Variants in MGAT5 observed in about 807,000 individuals in gnomAD.
The protein encoded by MGAT5 is alpha-1,6-mannosylglycoprotein 6-beta-N-acetylglucosaminyltransferase.
In MGAT5, 30 loss-of-function variants were observed where a neutral mutation model predicts 94.3. The ratio of observed to expected loss-of-function variants is 0.32; its 90% CI spans 0.24 to 0.43. MGAT5 has a LOEUF of 0.43. MGAT5 is among the 20% of genes least tolerant of loss of function. MGAT5 has a pLI of 1.00. For missense variants in MGAT5, 691 were observed against 905.5 expected, an observed-to-expected ratio of 0.76 and a Z score of 3.04; for synonymous variants, 310 against 322.9, an observed-to-expected ratio of 0.96 and a Z score of 0.43.
intron 4 of MGAT5, among the ~76,000 whole-genome samples, chr2:134,334,076 C>A (rs1202253657): frequency 6.6e-6 from 1 of 152,094 alleles, no homozygotes. Flanking sequence ...AGCAAAATTT[C>A]TTGCTAAAAG....
chr2:134,129,142 C>T (rs767735785), intron 1 of MGAT5, among the ~76,000 whole-genome samples: 13 of 152,180 alleles, frequency 8.5e-5, no homozygotes, highest in South Asian at 2.1e-4. Flanking sequence ...GTGTCTATTC[C>T]TTTCTGGAGG....
At chr2:134,329,382 T>C (rs189791465) in intron 4 of MGAT5, among the ~76,000 whole-genome samples, 95 of 152,230 alleles carry the variant, frequency 6.2e-4, no homozygotes, top group African/African-American at 2.0e-3. Flanking sequence ...ATAGAACAAA[T>C]GGTAGGAGCA....
chr2:134,390,198 C>G (rs1480011166), intron 10 of MGAT5, among the ~76,000 whole-genome samples: 1 of 152,202 alleles, frequency 6.6e-6, no homozygotes, highest in Non-Finnish European at 1.5e-5. Flanking sequence ...AAACACATTC[C>G]TATTTTTTTG....
intron 11 of MGAT5, among the ~76,000 whole-genome samples, chr2:134,410,740 T>C (rs1053927119): frequency 3.3e-5 from 5 of 152,354 alleles, no homozygotes; most frequent in Middle Eastern, 6.8e-3. Context: ...TGCTTGCATT[T>C]CCTCCAAAGC....
At chr2:134,173,832 G>A (rs924331665) in intron 1 of MGAT5, among the ~76,000 whole-genome samples, 1 of 152,192 alleles carries the variant, frequency 6.6e-6, no homozygotes, top group Non-Finnish European at 1.5e-5. Context: ...TACATTCTTT[G>A]TAATCCTTTA....
chr2:134,146,267 G>A (rs1056938049), intron 1 of MGAT5, among the ~76,000 whole-genome samples: 1 of 152,084 alleles, frequency 6.6e-6, no homozygotes, highest in South Asian at 2.1e-4. Context: ...GAATGAAAAC[G>A]TTTGAGTAGG....
At chr2:134,344,520 C>A (rs1220012482) in intron 7 of MGAT5, among the ~76,000 whole-genome samples, 1 of 151,932 alleles carries the variant, frequency 6.6e-6, no homozygotes, top group Non-Finnish European at 1.5e-5. Flanking sequence ...TAGGCACTTT[C>A]TTTTCAATAT....
chr2:134,437,466 G>A (rs1685224743), intron 14 of MGAT5, among the ~76,000 whole-genome samples: 1 of 152,210 alleles, frequency 6.6e-6, no homozygotes, highest in Non-Finnish European at 1.5e-5. Flanking sequence ...AGCCATGAAA[G>A]CCTAAACAGG....
chr2:134,201,816 C>CTTT (rs554227745), intron 1 of MGAT5, among the ~76,000 whole-genome samples: 927 of 67,816 alleles, frequency 0.014, 191 homozygotes, highest in African/African-American at 0.063. Context: ...CCAAGCGCTG[C>CTTT]TTTTTTTTTT....
chr2:134,261,939 A>G (rs560708599), intron 1 of MGAT5, among the ~76,000 whole-genome samples: 1 of 152,348 alleles, frequency 6.6e-6, no homozygotes, highest in South Asian at 2.1e-4. Flanking sequence ...TGGGCTCTGC[A>G]TCTAAGAGGC....
chr2:134,400,774 C>T (rs531279743), intron 10 of MGAT5, among the ~76,000 whole-genome samples: 30 of 152,298 alleles, frequency 2.0e-4, no homozygotes, highest in African/African-American at 6.7e-4. Flanking sequence ...CCTCCTTTTG[C>T]ATAAAGGAGA....
At chr2:134,432,138 T>A (rs1240837086) in intron 14 of MGAT5, among the ~76,000 whole-genome samples, 1 of 152,226 alleles carries the variant, frequency 6.6e-6, no homozygotes, top group Non-Finnish European at 1.5e-5. Flanking sequence ...GGAAAGTCTT[T>A]TGTATTAGCC....
intron 2 of MGAT5, among the ~76,000 whole-genome samples, chr2:134,276,885 T>C (rs1175413359): frequency 5.3e-5 from 8 of 152,158 alleles, no homozygotes; most frequent in Admixed American, 5.2e-4. Context: ...GCTGGTGTTA[T>C]GGGGACACGG....
intron 1 of MGAT5, among the ~76,000 whole-genome samples, chr2:134,120,840 G>C (rs1021277228): frequency 6.6e-6 from 1 of 151,852 alleles, no homozygotes; most frequent in Non-Finnish European, 1.5e-5. Flanking sequence ...GGAGGGATGC[G>C]GCGGGCTGGC....
intron 1 of MGAT5, among the ~76,000 whole-genome samples, chr2:134,143,983 C>G (rs1209506737): frequency 1.3e-5 from 2 of 151,452 alleles, no homozygotes; most frequent in Admixed American, 1.3e-4. Context: ...AAAGGCTATG[C>G]TGGGGGAGGA....
At position 134,144,309 on chromosome 2, in the gene MGAT5, G is replaced by T. The variant is rs145273916; in HGVS notation, c.-143+24018G>T. On this transcript the variant is annotated intron_variant, in intron 1 of 16. Transcript: ENST00000409645. The stretch of plus-strand genomic sequence containing the variant: ...AAGGAAACTCACCATCATGGCAGAA[G>T]GTGAAGGGAAGCCAGCACTTCCCAT... 5.7e-4 allele frequency among the ~76,000 whole-genome samples: 87 copies of T among 152,348 alleles called. No individual in the cohort carries two copies. The East Asian group carries it at 0.016, about 29-fold the overall frequency.
chr2:134,286,246 C>T (rs573568249), intron 2 of MGAT5, among the ~76,000 whole-genome samples: 83 of 152,320 alleles, frequency 5.4e-4, no homozygotes, highest in African/African-American at 1.9e-3. Context: ...CTGTGACAGG[C>T]TGGCCTGGCT....
At chr2:134,132,028 T>C (rs1320295266) in intron 1 of MGAT5, among the ~76,000 whole-genome samples, 1 of 152,210 alleles carries the variant, frequency 6.6e-6, no homozygotes, top group African/African-American at 2.4e-5. Context: ...GATGTGTAAA[T>C]CATCCATGGT....
At chr2:134,208,303 G>C (rs1412311955) in intron 1 of MGAT5, among the ~76,000 whole-genome samples, 1 of 152,142 alleles carries the variant, frequency 6.6e-6, no homozygotes, top group Non-Finnish European at 1.5e-5. Context: ...ACAGCATATA[G>C]CAGCTTATGA....
Sources: gnomAD v4.1 joint callset for allele counts (sites outside exome capture counted in the v4.1 genomes callset) on GRCh38, gnomAD v4.1.1 for gene constraint, MANE v1.5 for transcripts, NCBI Gene and HGNC (gene_info 2026-07-23, HGNC 2026-07-21) for gene names.